The following SPATA12 variants were observed in gnomAD, a reference collection of about 807,000 sequenced individuals.
SPATA12 encodes the protein spermatogenesis associated 12, also known as spermatogenesis-associated protein 12.
For missense variants in SPATA12, 219 were observed against 226.4 expected, an observed-to-expected ratio of 0.97 and a Z score of 0.21; for synonymous variants, 85 against 89.2, an observed-to-expected ratio of 0.95 and a Z score of 0.26.
chr3:57,070,180 C>A (rs1705807243), intron 1 of SPATA12, among the ~76,000 whole-genome samples: 2 of 152,150 alleles, frequency 1.3e-5, no homozygotes, highest in Non-Finnish European at 2.9e-5. Context: ...CCAGTTCCCA[C>A]CACACTTCTC....
rs1212945518 is a variant in SPATA12, at chr3:57,074,128, G to A, written c.434G>A (p.Trp145Ter). The A allele has an allele frequency of 1.2e-6, 2 of 1,613,902 alleles. No homozygotes were observed. Among genetic ancestry groups the A allele is most frequent in the Non-Finnish European group, 1.7e-6 (2 of 1,179,876 alleles). The change falls in exon 2 of 2, where the codon TGG becomes TAG. Residue 145 changes from tryptophan to a stop codon, truncating the protein, a stop_gained. Transcript: ENST00000334325. LOFTEE classifies it low-confidence loss of function (END_TRUNC). ...AATGAGAGGACCACAGGATGGTTGTGGAGACTGTGTGAGGATATAGATGCC... is the reference window on the plus strand; with the variant it reads ...AATGAGAGGACCACAGGATGGTTGTAGAGACTGTGTGAGGATATAGATGCC... ...GDNERTTGWL[W>*]RLCEDIDAEP...
intron 1 of SPATA12, among the ~76,000 whole-genome samples, chr3:57,071,388 G>A (rs13093196): frequency 0.14 from 21,044 of 152,048 alleles, 1,942 homozygotes; most frequent in South Asian, 0.2. Context: ...ATGGCTGGGC[G>A]TGGTGGCTCA....
chr3:57,061,908 TAGGTTC>T (rs1311884211), intron 1 of SPATA12, among the ~76,000 whole-genome samples: 6 of 152,208 alleles, frequency 3.9e-5, no homozygotes, highest in Admixed American at 3.3e-4. Flanking sequence ...TGAGCCCGCA[TAGGTTC>T]AGATTTAAAT....
Position 57,073,731 on chromosome 3 carries a change from G to C in SPATA12, c.37G>C (p.Glu13Gln). The change falls in exon 2 of 2, where the codon GAA becomes CAA. Residue 13 changes from glutamate (E) to glutamine (Q), a missense_variant. By Grantham distance (29) the Glu-to-Gln change is conservative (BLOSUM62 2). Coordinates refer to ENST00000334325, the MANE Select transcript of SPATA12 (RefSeq NM_181727.2). Reference sequence around the variant, plus strand: ...TGCTCTGACTTGTGGGTCCACCTTAGAAAAGTCAGGAGACACCTGGGAAAT... The same window carrying C: ...TGCTCTGACTTGTGGGTCCACCTTACAAAAGTCAGGAGACACCTGGGAAAT... The part of the protein sequence containing the change: ...SSALTCGSTL[E>Q]KSGDTWEMKA... 6.2e-7 allele frequency: 1 copy of C among 1,614,194 alleles called. No homozygotes were observed.
chr3:57,074,484 T>G lies in SPATA12; in HGVS notation c.*217T>G, dbSNP rs2107419233. On this transcript the variant is annotated 3_prime_UTR_variant, in exon 2 of 2. Transcript: ENST00000334325. ...TCAAGATTCAGAAAGGTTAAGTTAC[T>G]GGCACAAGGTCACACAATCCAGATC... 1 of 586,674 alleles carries G rather than the reference T, an allele frequency of 1.7e-6. No individual in the cohort carries two copies. The highest frequency in any genetic ancestry group is 1.9e-5 in the African/African-American group (1 of 53,504). 36.3% of individuals were successfully genotyped at this position (586,674 alleles called of 1,614,324 possible). A position where few individuals can be genotyped will look rare whatever the true frequency, so the allele number is the denominator to read the frequency against.
Position 57,073,943 on chromosome 3 carries a change from G to C in SPATA12, c.249G>C (p.Gln83His). ...QGDVCQSETC[Q>H]RYLQAAISLD... ...ATGTGTGCCAAAGTGAGACCTGTCAGAGATATTTACAAGCAGCCATCTCTC... is the reference window on the plus strand; with the variant it reads ...ATGTGTGCCAAAGTGAGACCTGTCACAGATATTTACAAGCAGCCATCTCTC... The change falls in exon 2 of 2, where the codon CAG becomes CAC. Residue 83 changes from glutamine to histidine, a missense_variant. Gln to His is a conservative substitution (Grantham distance 24). Transcript: ENST00000334325. 6.2e-7 allele frequency: 1 copy of C among 1,614,204 alleles called. No individual in the cohort carries two copies. The highest frequency in any genetic ancestry group is 1.3e-5 in the African/African-American group (1 of 75,068).
chr3:57,063,728 T>A (rs1226584440), intron 1 of SPATA12, among the ~76,000 whole-genome samples: 1 of 152,024 alleles, frequency 6.6e-6, no homozygotes, highest in Admixed American at 6.5e-5. Flanking sequence ...TCAGGAAGGA[T>A]GGCAACAGAG....
chr3:57,064,100 C>T (rs1369051638), intron 1 of SPATA12, among the ~76,000 whole-genome samples: 4 of 152,110 alleles, frequency 2.6e-5, no homozygotes, highest in Admixed American at 1.3e-4. Context: ...AACCCTGTCT[C>T]TACCAAAAAT....
At chr3:57,065,823 A>G (rs1705495785) in intron 1 of SPATA12, among the ~76,000 whole-genome samples, 1 of 152,132 alleles carries the variant, frequency 6.6e-6, no homozygotes, top group African/African-American at 2.4e-5. Context: ...TAGCACACAC[A>G]GCCCCCTACA....
intron 1 of SPATA12, among the ~76,000 whole-genome samples, chr3:57,068,784 CATT>C (rs1705707203): frequency 6.6e-6 from 1 of 152,116 alleles, no homozygotes. Flanking sequence ...TAGGTTATAT[CATT>C]GTGTTTTTCC....
At chr3:57,066,553 G>A (rs559086010) in intron 1 of SPATA12, among the ~76,000 whole-genome samples, 3 of 152,204 alleles carry the variant, frequency 2.0e-5, no homozygotes, top group Non-Finnish European at 4.4e-5. Context: ...GTGAGCCACC[G>A]CGCCCAGGCT....
At chr3:57,063,337 T>A (rs966315711) in intron 1 of SPATA12, among the ~76,000 whole-genome samples, 3 of 152,144 alleles carry the variant, frequency 2.0e-5, no homozygotes, top group Non-Finnish European at 4.4e-5. Context: ...GAGAGCTATT[T>A]GAGGGCTTTG....
rs1706064354 is a variant in SPATA12, at chr3:57,073,775, C to G, written c.81C>G (p.Ser27=). ...DTWEMKALDS[S]RLVPWPPRGL... ...GGGAAATGAAGGCACTAGACTCTTC[C>G]AGACTCGTTCCATGGCCACCCAGAG... The change falls in exon 2 of 2, where the codon TCC becomes TCG. Residue 27 remains serine, a synonymous_variant. Coordinates refer to ENST00000334325, the MANE Select transcript of SPATA12 (RefSeq NM_181727.2). 1.2e-6 allele frequency: 2 copies of G among 1,614,250 alleles called. No homozygotes were observed.
At chr3:57,071,232 A>G (rs78498993) in intron 1 of SPATA12, among the ~76,000 whole-genome samples, 3 of 152,140 alleles carry the variant, frequency 2.0e-5, no homozygotes, top group Non-Finnish European at 4.4e-5. Flanking sequence ...TTTTCAACAC[A>G]TGGTTCTGGG....
intron 1 of SPATA12, among the ~76,000 whole-genome samples, chr3:57,067,788 G>C (rs370638597): frequency 6.6e-6 from 1 of 150,460 alleles, no homozygotes; most frequent in African/African-American, 2.4e-5. Flanking sequence ...GAGACCATTG[G>C]CTAACACGGT....
At position 57,074,372 on chromosome 3, in the gene SPATA12, G is replaced by A. The variant is rs141153069; in HGVS notation, c.*105G>A. 3.2e-3 allele frequency: 3,132 copies of A among 967,620 alleles called. 43 individuals carry two copies. The highest frequency in any genetic ancestry group is 0.025 in the South Asian group (1,598 of 63,532). 59.9% of individuals were successfully genotyped at this position (967,620 alleles called of 1,614,324 possible). A position where few individuals can be genotyped will look rare whatever the true frequency, so the allele number is the denominator to read the frequency against. On this transcript the variant is annotated 3_prime_UTR_variant, in exon 2 of 2. Transcript: ENST00000334325. ...CCCCCACCCCCACCAGGGGTGACTC[G>A]TAGCCATCCCTTTCTGCATCTTCTT... is the stretch of plus-strand genomic sequence containing the variant.
chr3:57,060,738 C>T lies in SPATA12; in HGVS notation c.-378C>T, dbSNP rs1204365704. On this transcript the variant is annotated 5_prime_UTR_variant, in exon 1 of 2. Coordinates refer to ENST00000334325, the MANE Select transcript of SPATA12 (RefSeq NM_181727.2). Reference sequence around the variant, plus strand: ...CCCACTCTTCCTGATCCTGCAGCGTCAGATCCCAGCCTGCAGTATCAGACC... The same window carrying T: ...CCCACTCTTCCTGATCCTGCAGCGTTAGATCCCAGCCTGCAGTATCAGACC... 6.6e-6 allele frequency: 1 copy of T among 152,132 alleles called. No individual in the cohort carries two copies. The highest frequency in any genetic ancestry group is 1.5e-5 in the Non-Finnish European group (1 of 68,046). 9.4% of individuals were successfully genotyped at this position (152,132 alleles called of 1,614,324 possible).
rs566331773 is a variant in SPATA12 at position 57,075,222 on chromosome 3, C to G, written c.*955C>G. The G allele has an allele frequency of 1.8e-5, 3 of 167,188 alleles. No individual in the cohort carries two copies. Among genetic ancestry groups the G allele is most frequent in the African/African-American group, 7.2e-5 (3 of 41,536 alleles). The allele number at this position is 167,188 out of a possible 1,614,324, so 10.4% of individuals were successfully genotyped here. On this transcript the variant is annotated 3_prime_UTR_variant, in exon 2 of 2. Coordinates refer to ENST00000334325, the MANE Select transcript of SPATA12 (RefSeq NM_181727.2). Reference sequence around the variant, plus strand: ...ATCCCATCACTCTGGATCTCCTTCCCCAGCTTCATCTCCATTACACTGGCC... The same window carrying G: ...ATCCCATCACTCTGGATCTCCTTCCGCAGCTTCATCTCCATTACACTGGCC...
rs1309453671 is a variant in SPATA12 at position 57,074,042 on chromosome 3, C to A, written c.348C>A (p.Gly116=). Residue 116 remains glycine, a synonymous_variant, in exon 2 of 2, where the codon GGC becomes GGA. Coordinates refer to ENST00000334325, the MANE Select transcript of SPATA12 (RefSeq NM_181727.2). ...CTCCAGCTCTCCTGATACAGCAAGG[C>A]AGTTGTGAGCAAGTTATTCATAACT... ...SSPPALLIQQ[G]SCEQVIHNST... The A allele has an allele frequency of 6.2e-7, 1 of 1,614,212 alleles. No individual in the cohort carries two copies. The highest frequency in any genetic ancestry group is 2.2e-5 in the East Asian group (1 of 44,884).
Sources: allele counts gnomAD v4.1 joint callset (sites outside exome capture counted in the v4.1 genomes callset), GRCh38; gene constraint gnomAD v4.1.1; transcripts MANE v1.5; gene names NCBI Gene and HGNC (gene_info 2026-07-23, HGNC 2026-07-21).